PDCD2L: variants seen among roughly 807,000 people sequenced by gnomAD.
PDCD2L encodes the protein programmed cell death 2 like, also known as uS5 assembly chaperone PDCD2L.
Under a neutral mutation model 40.4 loss-of-function variants are expected in PDCD2L, and 44 were observed. That is an observed-to-expected ratio of 1.09 (90% confidence interval 0.86 to 1.40). The LOEUF (loss-of-function observed/expected upper bound fraction) is 1.40. Among genes scored for constraint, PDCD2L ranks in the 40% most tolerant of loss-of-function variants. PDCD2L has a pLI of 0.00. For missense variants in PDCD2L, 470 were observed against 453.7 expected (o/e 1.04, Z -0.33); for synonymous variants, 194 against 174.6 (o/e 1.11, Z -0.88).
Position 34,409,260 on chromosome 19 carries a change from T to G in PDCD2L, c.436T>G (p.Phe146Val). ...GCCTTCACCACAGTTTACCTTGGAT[T>G]TTGGGAATGATGCCAGCAGTGCCAA... ...EGPSPQFTLD[F>V]GNDASSAKDV... The change falls in exon 4 of 7, where the codon TTT (phenylalanine) becomes GTT (valine). Residue 146 changes from phenylalanine (F) to valine (V), a missense_variant. Physicochemically the swap from Phe to Val is conservative, Grantham distance 50. Transcript: ENST00000246535. The G allele has an allele frequency of 1.9e-6, 3 of 1,614,092 alleles. No individual in the cohort carries two copies. Among genetic ancestry groups the G allele is most frequent in the Non-Finnish European group, 2.5e-6 (3 of 1,180,024 alleles).
intron 5 of PDCD2L, among the ~76,000 whole-genome samples, chr19:34,416,141 G>A (rs561386085): frequency 2.6e-5 from 4 of 152,264 alleles, no homozygotes; most frequent in Admixed American, 2.0e-4. Context: ...GGATGGTCTC[G>A]AACTCCCGAC....
chr19:34,411,417 T>C (rs945649520), intron 4 of PDCD2L, among the ~76,000 whole-genome samples: 15 of 151,900 alleles, frequency 9.9e-5, no homozygotes, highest in African/African-American at 2.9e-4. Context: ...TTTTTGTATT[T>C]TCTTTTTAGT....
chr19:34,419,120 TTAATG>T (rs1401298048), intron 5 of PDCD2L, among the ~76,000 whole-genome samples: 2 of 152,316 alleles, frequency 1.3e-5, no homozygotes, highest in Non-Finnish European at 2.9e-5. Flanking sequence ...TGCAGTCCCT[TTAATG>T]TAATCATTGG....
chr19:34,409,439 T>C lies in PDCD2L; in HGVS notation c.615T>C (p.Asp205=). The change falls in exon 4 of 7, where the codon GAT becomes GAC. Residue 205 remains aspartate, a synonymous_variant. Transcript: ENST00000246535. ...EDDYRDFVNL[D]HAHSLLRDYQ... Reference sequence around the variant, plus strand: ...ATTACAGGGACTTTGTCAACCTGGATCATGCCCACAGCCTTCTGAGGGACT... The same window carrying C: ...ATTACAGGGACTTTGTCAACCTGGACCATGCCCACAGCCTTCTGAGGGACT... 1 of 1,614,194 alleles carries C rather than the reference T, an allele frequency of 6.2e-7. No homozygotes were observed. The highest frequency in any genetic ancestry group is 8.5e-7 in the Non-Finnish European group (1 of 1,180,032).
At chr19:34,425,443 C>T (rs1315016009) in intron 6 of PDCD2L, among the ~76,000 whole-genome samples, 1 of 151,634 alleles carries the variant, frequency 6.6e-6, no homozygotes, top group Non-Finnish European at 1.5e-5. Flanking sequence ...GCTGGGACTA[C>T]AGGTGTGCAC....
chr19:34,415,008 G>A (rs2075121022), intron 5 of PDCD2L, among the ~76,000 whole-genome samples: 1 of 152,014 alleles, frequency 6.6e-6, no homozygotes, highest in African/African-American at 2.4e-5. Context: ...ATGTTGCCCA[G>A]TCTGCTCTCA....
chr19:34,409,464 T>C lies in PDCD2L; in HGVS notation c.640T>C (p.Tyr214His). 1 of 1,614,178 alleles carries C rather than the reference T, an allele frequency of 6.2e-7. No individual in the cohort carries two copies. Among genetic ancestry groups the C allele is most frequent in the Non-Finnish European group, 8.5e-7 (1 of 1,180,034 alleles). The change falls in exon 4 of 7, where the codon TAT (tyrosine) becomes CAT (histidine). Residue 214 changes from tyrosine (Y) to histidine (H), a missense_variant. Tyr to His is a moderately conservative substitution (Grantham distance 83). Transcript: ENST00000246535. ...LDHAHSLLRDYQQREGIAMDQ... is the reference protein window; with the variant it reads ...LDHAHSLLRDHQQREGIAMDQ... ...TCATGCCCACAGCCTTCTGAGGGAC[T>C]ATCAGCAGAGAGAAGGCATTGCCAT...
chr19:34,410,960 T>C (rs888189127), intron 4 of PDCD2L, among the ~76,000 whole-genome samples: 1 of 151,104 alleles, frequency 6.6e-6, no homozygotes, highest in African/African-American at 2.4e-5. Context: ...AATTTTTGTA[T>C]TATTAGTAGA....
intron 2 of PDCD2L, 33 bp downstream of exon 2, chr19:34,404,848 G>C: frequency 2.5e-6 from 4 of 1,606,246 alleles, no homozygotes; most frequent in Non-Finnish European, 3.4e-6. Flanking sequence ...TGCTCCAGGG[G>C]TGTCCTTTCC....
chr19:34,410,394 G>A (rs1337856474), intron 4 of PDCD2L, among the ~76,000 whole-genome samples: 2 of 152,102 alleles, frequency 1.3e-5, no homozygotes, highest in East Asian at 3.9e-4. Context: ...TGGGATTATA[G>A]CCATGTGCCA....
chr19:34,425,914 G>T, intron 6 of PDCD2L, 76 bp from the exon 7 acceptor site: 1 of 1,470,468 alleles, frequency 6.8e-7, no homozygotes, highest in South Asian at 1.3e-5. Flanking sequence ...CAGCTTATAA[G>T]GTAAAATCAT....
chr19:34,421,815 T>G, intron 6 of PDCD2L, 148 bp downstream of exon 6: 1 of 1,065,474 alleles, frequency 9.4e-7, no homozygotes, highest in Admixed American at 2.9e-5. Flanking sequence ...TTAGGCCAGG[T>G]GTGGTGGCTC....
intron 5 of PDCD2L, among the ~76,000 whole-genome samples, chr19:34,417,720 A>G (rs577659059): frequency 1.1e-4 from 17 of 152,328 alleles, no homozygotes; most frequent in Middle Eastern, 3.4e-3. Flanking sequence ...GAAAAAGAGA[A>G]AGCATTCAGA....
In PDCD2L at chr19:34,421,350, A is replaced by G; in HGVS notation, c.798-169A>G. On this transcript the variant is annotated intron_variant, in intron 5 of 6. Transcript: ENST00000246535. ...GTGCCTTTGAGACTTTGAATCGAAC[A>G]CTGACAAGATTTCCAGATATCTTGC... 5.4e-6 allele frequency: 4 copies of G among 746,606 alleles called. No homozygotes were observed. In the South Asian group the frequency reaches 5.6e-5, roughly 10 times the overall value. 46.2% of individuals were successfully genotyped at this position (746,606 alleles called of 1,614,324 possible). A position where few individuals can be genotyped will look rare whatever the true frequency, so the allele number is the denominator to read the frequency against.
chr19:34,406,276 CAT>C (rs1032117845), intron 3 of PDCD2L, among the ~76,000 whole-genome samples: 9 of 152,138 alleles, frequency 5.9e-5, no homozygotes, highest in Admixed American at 1.3e-4. Flanking sequence ...TCATGAATAT[CAT>C]GTGGAATAAT....
intron 4 of PDCD2L, among the ~76,000 whole-genome samples, chr19:34,411,980 AT>A (rs2075105723): frequency 6.8e-6 from 1 of 146,234 alleles, no homozygotes; most frequent in African/African-American, 2.5e-5. Flanking sequence ...ATATATATAT[AT>A]ATAAAATAAA....
At position 34,404,989 on chromosome 19, in the gene PDCD2L, A is replaced by C. The variant is rs747360925; in HGVS notation, c.335A>C (p.Gln112Pro). Reference sequence around the variant, plus strand: ...CCAGAGAGAGAGGCGCAGGACGCTCAGGTAAAGGTTGTGATTGGCATGTTA... The same window carrying C: ...CCAGAGAGAGAGGCGCAGGACGCTCCGGTAAAGGTTGTGATTGGCATGTTA... ...QVPEREAQDA[Q>P]KQGNSLAAED... The change falls in exon 3 of 7, where the codon CAG becomes CCG. Residue 112 changes from glutamine to proline, a missense_variant and splice_region_variant. By Grantham distance (76) the Gln-to-Pro change is moderately conservative (BLOSUM62 -1). Transcript: ENST00000246535. 1 of 1,614,128 alleles carries C rather than the reference A, an allele frequency of 6.2e-7. No homozygotes were observed. The highest frequency in any genetic ancestry group is 8.5e-7 in the Non-Finnish European group (1 of 1,180,014).
intron 4 of PDCD2L, among the ~76,000 whole-genome samples, chr19:34,410,759 A>AC (rs2075098352): frequency 1.9e-5 from 1 of 51,724 alleles, no homozygotes; most frequent in South Asian, 6.0e-4. Context: ...AGGACTTTTT[A>AC]TTTTTTATTT....
In PDCD2L at chr19:34,409,244, A is replaced by G. The variant is rs2075090804; in HGVS notation, c.420A>G (p.Pro140=). ...WGSDTEEGPS[P]QFTLDFGNDA... ...GTGATACTGAGGAGGGGCCTTCACC[A>G]CAGTTTACCTTGGATTTTGGGAATG... The change falls in exon 4 of 7, where the codon CCA becomes CCG. Residue 140 remains proline (P), a synonymous_variant. Coordinates refer to ENST00000246535, the MANE Select transcript of PDCD2L (RefSeq NM_032346.2). 1.2e-6 allele frequency: 2 copies of G among 1,614,046 alleles called. No individual in the cohort carries two copies. The highest frequency in any genetic ancestry group is 1.7e-5 in the Admixed American group (1 of 59,994).
Sources: allele counts gnomAD v4.1 joint callset (sites outside exome capture counted in the v4.1 genomes callset), GRCh38; gene constraint gnomAD v4.1.1; transcripts MANE v1.5; gene names NCBI Gene and HGNC (gene_info 2026-07-23, HGNC 2026-07-21).